Variants in COLEC10 observed in about 807,000 individuals in gnomAD.
The protein encoded by COLEC10 is collectin-10.
COLEC10 carries 22 observed loss-of-function variants against 28.4 expected under a neutral mutation model. The observed-to-expected ratio is 0.78, with a 90% confidence interval of 0.55 to 1.11. The LOEUF (loss-of-function observed/expected upper bound fraction) is 1.11, where lower values mean the gene tolerates loss of function less well. Among genes scored for constraint, COLEC10 ranks in the 50% least tolerant of loss-of-function variants. The pLI is 0.00. For synonymous variants in COLEC10, 125 were observed against 116.1 expected (o/e 1.08, Z -0.49); for missense variants, 361 against 344.1 (o/e 1.05, Z -0.39).
At chr8:119,071,798 AT>A (rs1170876878) in intron 1 of COLEC10, among the ~76,000 whole-genome samples, 1 of 152,192 alleles carries the variant, frequency 6.6e-6, no homozygotes, top group Non-Finnish European at 1.5e-5. Flanking sequence ...TTTTGATTAA[AT>A]GAATCTACCC....
At chr8:118,964,071 A>G in the COLEC10 span, among the ~76,000 whole-genome samples, 1 of 152,202 alleles carries the variant, frequency 6.6e-6, no homozygotes, top group African/African-American at 2.4e-5. Context: ...GGTGTTTTCC[A>G]AATTTCTATT....
chr8:119,057,176 G>T (rs1814777488), intron 2 of COLEC10, among the ~76,000 whole-genome samples: 1 of 151,972 alleles, frequency 6.6e-6, no homozygotes, highest in South Asian at 2.1e-4. Context: ...CATAGTGAGT[G>T]AGTTTTCACA....
At chr8:119,070,465 CT>C (rs1411799587) in intron 1 of COLEC10, among the ~76,000 whole-genome samples, 1 of 139,252 alleles carries the variant, frequency 7.2e-6, no homozygotes, top group Middle Eastern at 3.5e-3. Flanking sequence ...CTCTCTCTCT[CT>C]CTCTCTCTCT....
At chr8:119,099,517 G>A (rs1815781659) in intron 3 of COLEC10, among the ~76,000 whole-genome samples, 1 of 152,008 alleles carries the variant, frequency 6.6e-6, no homozygotes, top group Admixed American at 6.6e-5. Flanking sequence ...ACCTGTCCAT[G>A]TGTAGCCAGT....
At chr8:118,996,174 C>T (rs779139636) in intron 1 of COLEC10, among the ~76,000 whole-genome samples, 10 of 152,160 alleles carry the variant, frequency 6.6e-5, no homozygotes, top group African/African-American at 9.7e-5. Flanking sequence ...GCATAGTGTC[C>T]TCAAGGGTCA....
chr8:118,975,633 G>C, the COLEC10 span, among the ~76,000 whole-genome samples: 4 of 151,988 alleles, frequency 2.6e-5, no homozygotes, highest in African/African-American at 9.7e-5. Context: ...CAGTGGCTTG[G>C]ATTCTTCTTT....
the COLEC10 span, among the ~76,000 whole-genome samples, chr8:118,986,402 C>A: frequency 6.6e-6 from 1 of 152,000 alleles, no homozygotes; most frequent in African/African-American, 2.4e-5. Context: ...GAAAAGAGAA[C>A]AATGTGATTG....
chr8:119,079,863 A>G (rs1480478271), intron 1 of COLEC10, among the ~76,000 whole-genome samples: 1 of 152,068 alleles, frequency 6.6e-6, no homozygotes, highest in Non-Finnish European at 1.5e-5. Context: ...GAGTTGAGAT[A>G]ATAATCACAC....
chr8:119,084,149 G>A (rs761740828), intron 1 of COLEC10, among the ~76,000 whole-genome samples: 6 of 152,190 alleles, frequency 3.9e-5, no homozygotes, highest in Non-Finnish European at 8.8e-5. Flanking sequence ...GTCTCAGAGT[G>A]AGGGAGCCAC....
chr8:118,955,949 G>T, the COLEC10 span, among the ~76,000 whole-genome samples: 1 of 152,088 alleles, frequency 6.6e-6, no homozygotes, highest in Non-Finnish European at 1.5e-5. Flanking sequence ...TAATCACTTT[G>T]GACTATTACA....
chr8:119,030,474 G>C (rs1432978933), intron 2 of COLEC10, among the ~76,000 whole-genome samples: 2 of 152,090 alleles, frequency 1.3e-5, no homozygotes, highest in African/African-American at 4.8e-5. Flanking sequence ...GACCAGCCTG[G>C]CCAATATGGT....
chr8:119,013,435 G>C (rs1334289540), intron 2 of COLEC10, among the ~76,000 whole-genome samples: 1 of 150,318 alleles, frequency 6.7e-6, no homozygotes, highest in Non-Finnish European at 1.5e-5. Flanking sequence ...TGTGTATTCT[G>C]TTCTTTTTGG....
chr8:119,070,447 C>CTCTCTG lies in COLEC10; in HGVS notation c.148+3023_148+3024insGTCTCT, dbSNP rs1491270187. Among the ~76,000 whole-genome samples, 8 of 68,440 alleles carry CTCTCTG rather than the reference C, an allele frequency of 1.2e-4. No individual in the cohort carries two copies. In the East Asian group the frequency reaches 1.2e-3, roughly 10 times the overall value. 44.9% of individuals were successfully genotyped at this position (68,440 alleles called of 152,430 possible). On this transcript the variant is annotated intron_variant, in intron 1 of 5. Transcript: ENST00000332843. ...CAGGAAAATGAAATGTTCTCCCTCGCTCTCTCTCTCTCTCTCTCTCTCTCT... is the reference window on the plus strand; with the variant it reads ...CAGGAAAATGAAATGTTCTCCCTCGCTCTCTGTCTCTCTCTCTCTCTCTCTCTCTCT...
chr8:118,955,185 A>G, the COLEC10 span, among the ~76,000 whole-genome samples: 2 of 152,212 alleles, frequency 1.3e-5, no homozygotes, highest in African/African-American at 4.8e-5. Context: ...TATTTTATTA[A>G]TGTTTATAAT....
chr8:118,991,653 A>G (rs1563709635), upstream of COLEC10, among the ~76,000 whole-genome samples: 1 of 152,132 alleles, frequency 6.6e-6, no homozygotes, highest in Non-Finnish European at 1.5e-5. Context: ...CCACTTGAAC[A>G]TAAACTCTGG....
intron 1 of COLEC10, among the ~76,000 whole-genome samples, chr8:119,085,673 G>A (rs1262664847): frequency 1.4e-5 from 2 of 142,106 alleles, no homozygotes; most frequent in Non-Finnish European, 3.0e-5. Context: ...CTATCACCAG[G>A]CTGGGGTGCA....
intron 2 of COLEC10, among the ~76,000 whole-genome samples, chr8:119,016,106 A>G (rs1282914691): frequency 6.6e-6 from 1 of 152,042 alleles, no homozygotes; most frequent in Non-Finnish European, 1.5e-5. Context: ...ATACACGTGC[A>G]CCTATCAACC....
intron 2 of COLEC10, among the ~76,000 whole-genome samples, chr8:119,027,704 T>C (rs1183550103): frequency 6.6e-6 from 1 of 152,206 alleles, no homozygotes; most frequent in Non-Finnish European, 1.5e-5. Flanking sequence ...GTTTAACTTC[T>C]CTGCACAGTT....
chr8:118,976,619 TA>T, the COLEC10 span: 6 of 152,292 alleles, frequency 3.9e-5, no homozygotes, highest in Admixed American at 2.6e-4. Context: ...TCCATATTTT[TA>T]CGTTAGACCT....
Sources: gnomAD v4.1 joint callset for allele counts (sites outside exome capture counted in the v4.1 genomes callset) on GRCh38, gnomAD v4.1.1 for gene constraint, MANE v1.5 for transcripts, NCBI Gene and HGNC (gene_info 2026-07-23, HGNC 2026-07-21) for gene names.